Variants in C11orf65 observed in about 807,000 individuals in gnomAD.
The protein encoded by C11orf65 is chromosome 11 open reading frame 65.
A neutral mutation model predicts 35.3 loss-of-function variants in C11orf65; 38 were observed. That is an observed-to-expected ratio of 1.08 (90% confidence interval 0.83 to 1.41). The LOEUF (loss-of-function observed/expected upper bound fraction) is 1.41. Ranked by LOEUF, C11orf65 falls within the 40% of genes most tolerant of loss-of-function variation. The pLI is 0.00. For synonymous variants in C11orf65, 105 were observed against 114.4 expected (o/e 0.92, Z 0.53); for missense variants, 370 against 367.1 (o/e 1.01, Z -0.06).
At chr11:108,371,411 C>T (rs1025255340) in intron 2 of C11orf65, among the ~76,000 whole-genome samples, 1 of 152,218 alleles carries the variant, frequency 6.6e-6, no homozygotes, top group Non-Finnish European at 1.5e-5. Context: ...CCCCTGAGAA[C>T]TACTGTTCTA....
In C11orf65 at chr11:108,437,707, TAAAAAAAAAAAAAAAA is replaced by T. The variant is rs145337876; in HGVS notation, c.82-5885_82-5870del. Among the ~76,000 whole-genome samples the T allele has an allele frequency of 3.7e-3, 139 of 38,042 alleles. 4 individuals are homozygous for T. In the South Asian group the frequency reaches 0.063, roughly 17 times the overall value. The allele number at this position is 38,042 out of a possible 152,430, so 25.0% of individuals were successfully genotyped here. ...CCTGGTGACAGGTGAGACTCAGTCT[TAAAAAAAAAAAAAAAA>T]AAAAAAAAAAAAAAAGGATAAGGAA... On this transcript the variant is annotated intron_variant, in intron 2 of 8. Transcript: ENST00000393084.
intron 1 of C11orf65, among the ~76,000 whole-genome samples, chr11:108,463,361 T>C (rs1205967461): frequency 6.6e-6 from 1 of 152,222 alleles, no homozygotes; most frequent in Non-Finnish European, 1.5e-5. Flanking sequence ...GTTATTCAGA[T>C]GCTTAAAACT....
intron 2 of C11orf65, among the ~76,000 whole-genome samples, chr11:108,455,633 T>C (rs112009767): frequency 5.3e-5 from 8 of 150,908 alleles, no homozygotes; most frequent in African/African-American, 1.5e-4. Flanking sequence ...CTGACCAACA[T>C]AGTGAAATCC....
At chr11:108,312,565 A>AAAAAATTAGGAACTATACTG in intron 6 of C11orf65, 1 of 1,149,192 alleles carries the variant, frequency 8.7e-7, no homozygotes, top group African/African-American at 1.5e-5. Context: ...TTTGTTATAG[A>AAAAAATTAGGAACTATACTG]CACTGTACAG....
chr11:108,345,848 C>T lies in C11orf65; in HGVS notation c.227-10556G>A, dbSNP rs876659505. 5.0e-6 allele frequency: 8 copies of T among 1,613,810 alleles called. No individual in the cohort carries two copies. The highest frequency in any genetic ancestry group is 6.8e-6 in the Non-Finnish European group (8 of 1,179,832). ...CTTCTGCATGGAAAAATTCTTGGAT[C>T]CAGCTATTTGGTTTGAGAAGCGATT... On this transcript the variant is annotated intron_variant, in intron 2 of 3. Coordinates refer to the C11orf65 transcript ENST00000524755.
chr11:108,348,066 A>G (rs1331750176), intron 2 of C11orf65, among the ~76,000 whole-genome samples: 1 of 152,188 alleles, frequency 6.6e-6, no homozygotes, highest in African/African-American at 2.4e-5. Flanking sequence ...TGGGGCCCCC[A>G]GATAACTGAA....
At chr11:108,341,433 G>A (rs929315432) in intron 2 of C11orf65, among the ~76,000 whole-genome samples, 1 of 151,920 alleles carries the variant, frequency 6.6e-6, no homozygotes. Context: ...TTCCTCACCA[G>A]AATGAAACTT....
intron 6 of C11orf65, among the ~76,000 whole-genome samples, chr11:108,314,728 C>T (rs952704705): frequency 1.3e-5 from 2 of 151,968 alleles, no homozygotes; most frequent in Non-Finnish European, 2.9e-5. Context: ...TGACCAGAAG[C>T]CCTACCGATG....
rs2089674671 is a variant in C11orf65 at position 108,354,742 on chromosome 11, T to C, written c.227-19450A>G. ...GCTCAGCATACTACACATGAGAGTA[T>C]ACAGATAAAGATACGTTGACAACAT... On this transcript the variant is annotated intron_variant, in intron 2 of 3. Transcript: ENST00000524755. The C allele has an allele frequency of 3.1e-6, 4 of 1,305,578 alleles. No individual in the cohort carries two copies. The Admixed American group carries it at 6.7e-5, about 22-fold the overall frequency. 80.9% of individuals were successfully genotyped at this position (1,305,578 alleles called of 1,614,324 possible). A position where few individuals can be genotyped will look rare whatever the true frequency, so the allele number is the denominator to read the frequency against.
chr11:108,345,487 T>G (rs1045482878), intron 2 of C11orf65, among the ~76,000 whole-genome samples: 1 of 152,204 alleles, frequency 6.6e-6, no homozygotes, highest in Non-Finnish European at 1.5e-5. Flanking sequence ...ACAGGATTAT[T>G]CAAATTAGAA....
intron 3 of C11orf65, among the ~76,000 whole-genome samples, chr11:108,421,671 A>AAC (rs893995937): frequency 2.0e-5 from 3 of 152,048 alleles, no homozygotes; most frequent in African/African-American, 7.2e-5. Context: ...AACAAAAACA[A>AAC]ACACACACAC....
chr11:108,382,938 C>A lies in C11orf65; in HGVS notation c.*83G>T. 6.4e-7 allele frequency: 1 copy of A among 1,573,488 alleles called. No homozygotes were observed. Among genetic ancestry groups the A allele is most frequent in the South Asian group, 1.2e-5 (1 of 83,822 alleles). ...GCCCAGAATATATACACAAGTTATT[C>A]CAGTCAGAATACACTATCTCTTGGC... On this transcript the variant is annotated 3_prime_UTR_variant, in exon 9 of 9. Coordinates refer to ENST00000393084, the MANE Select transcript of C11orf65 (RefSeq NM_152587.5).
At chr11:108,355,128 A>G (rs2089739597) in intron 2 of C11orf65, 1 of 493,044 alleles carries the variant, frequency 2.0e-6, no homozygotes, top group Non-Finnish European at 3.7e-6. Flanking sequence ...CAATTCATAA[A>G]TCAATTCTTT....
At chr11:108,414,116 AAG>A (rs1181028745) in intron 3 of C11orf65, among the ~76,000 whole-genome samples, 2 of 152,034 alleles carry the variant, frequency 1.3e-5, no homozygotes, top group Non-Finnish European at 2.9e-5. Flanking sequence ...AAGAAAATAA[AAG>A]AAACAAAAAG....
intron 6 of C11orf65, among the ~76,000 whole-genome samples, chr11:108,311,571 A>C (rs753174330): frequency 2.0e-4 from 30 of 152,224 alleles, no homozygotes; most frequent in Middle Eastern, 3.4e-3. Context: ...AGTGGCCTGC[A>C]CATGTAGTCC....
chr11:108,414,052 T>C (rs1312027517), intron 3 of C11orf65, among the ~76,000 whole-genome samples: 3 of 151,324 alleles, frequency 2.0e-5, no homozygotes, highest in East Asian at 1.9e-4. Flanking sequence ...CAGACGAAAA[T>C]AAATAATAAA....
At chr11:108,339,763 T>G (rs1247034336) in intron 2 of C11orf65, among the ~76,000 whole-genome samples, 1 of 152,106 alleles carries the variant, frequency 6.6e-6, no homozygotes. Context: ...GAGCTAGATA[T>G]TGATAGAGAG....
intron 2 of C11orf65, among the ~76,000 whole-genome samples, chr11:108,442,854 C>G (rs1445198159): frequency 2.6e-5 from 4 of 152,164 alleles, no homozygotes; most frequent in Non-Finnish European, 5.9e-5. Context: ...ACAACCAGTA[C>G]CAGCCACTGC....
At chr11:108,330,716 A>G (rs900280685), downstream of C11orf65, among the ~76,000 whole-genome samples, 7 of 152,208 alleles carry the variant, frequency 4.6e-5, no homozygotes, top group African/African-American at 1.7e-4. Flanking sequence ...TGCAGTTACC[A>G]TAGGAGAGGG....
Sources: allele counts gnomAD v4.1 joint callset (sites outside exome capture counted in the v4.1 genomes callset), GRCh38; gene constraint gnomAD v4.1.1; transcripts MANE v1.5; gene names NCBI Gene and HGNC (gene_info 2026-07-23, HGNC 2026-07-21).